EXT2: variants seen among roughly 807,000 people sequenced by gnomAD.
The protein encoded by EXT2 is exostosin glycosyltransferase 2, also known as exostosin-2.
EXT2 carries 53 observed loss-of-function variants against 81.6 expected under a neutral mutation model. The ratio of observed to expected loss-of-function variants is 0.65; its 90% CI spans 0.52 to 0.82. The LOEUF is 0.82. Among genes scored for constraint, EXT2 ranks in the 40% least tolerant of loss-of-function variants. The pLI is 0.00. For synonymous variants in EXT2, 320 were observed against 340.0 expected (o/e 0.94, Z 0.65); for missense variants, 774 against 910.2 (o/e 0.85, Z 1.93).
intron 10 of EXT2, among the ~76,000 whole-genome samples, chr11:44,208,236 A>G (rs1422417363): frequency 6.6e-6 from 1 of 151,558 alleles, no homozygotes; most frequent in Non-Finnish European, 1.5e-5. Context: ...TCTTCATTGC[A>G]TGTAATGGCT....
intron 8 of EXT2, among the ~76,000 whole-genome samples, chr11:44,192,459 G>A (rs1388393525): frequency 6.6e-6 from 1 of 152,138 alleles, no homozygotes; most frequent in Non-Finnish European, 1.5e-5. Flanking sequence ...GGCTTATAGT[G>A]TATGTTCAGG....
At chr11:44,128,909 A>G (rs1954448957) in intron 6 of EXT2, among the ~76,000 whole-genome samples, 1 of 152,252 alleles carries the variant, frequency 6.6e-6, no homozygotes, top group African/African-American at 2.4e-5. Context: ...TGCTGAGGAT[A>G]CGCTGGTGAG....
At chr11:44,100,967 C>G (rs889866741) in intron 1 of EXT2, among the ~76,000 whole-genome samples, 1 of 152,162 alleles carries the variant, frequency 6.6e-6, no homozygotes, top group African/African-American at 2.4e-5. Flanking sequence ...GCAGATGCCT[C>G]CCATATGATT....
At chr11:44,221,802 G>A (rs1010416538) in intron 10 of EXT2, among the ~76,000 whole-genome samples, 1 of 152,170 alleles carries the variant, frequency 6.6e-6, no homozygotes, top group Non-Finnish European at 1.5e-5. Flanking sequence ...ATATGAAGCT[G>A]CACCCATTCA....
At chr11:44,206,131 G>T (rs1955580064) in intron 9 of EXT2, among the ~76,000 whole-genome samples, 1 of 152,186 alleles carries the variant, frequency 6.6e-6, no homozygotes, top group African/African-American at 2.4e-5. Context: ...CTAGTGAGTT[G>T]AGGGGAGGGG....
chr11:44,198,498 G>C (rs1297912444), intron 9 of EXT2, among the ~76,000 whole-genome samples: 1 of 152,122 alleles, frequency 6.6e-6, no homozygotes, highest in African/African-American at 2.4e-5. Flanking sequence ...GTTCCCATTG[G>C]TTCTTCCTTA....
intron 8 of EXT2, among the ~76,000 whole-genome samples, chr11:44,195,646 G>A (rs1955447487): frequency 6.6e-6 from 1 of 152,142 alleles, no homozygotes; most frequent in Admixed American, 6.5e-5. Flanking sequence ...GCAGACAGCT[G>A]TTGTCACAAA....
chr11:44,223,930 A>T (rs7104638), intron 10 of EXT2, among the ~76,000 whole-genome samples: 1 of 152,060 alleles, frequency 6.6e-6, no homozygotes, highest in Non-Finnish European at 1.5e-5. Flanking sequence ...GGATTACATG[A>T]GTGAGCCACT....
At chr11:44,222,053 A>T (rs1319898235) in intron 10 of EXT2, among the ~76,000 whole-genome samples, 9 of 152,216 alleles carry the variant, frequency 5.9e-5, no homozygotes, top group Non-Finnish European at 1.0e-4. Flanking sequence ...TTCTTGGTGC[A>T]TGAAAATTGG....
chr11:44,180,238 A>C (rs559035354), intron 8 of EXT2, among the ~76,000 whole-genome samples: 1 of 152,180 alleles, frequency 6.6e-6, no homozygotes, highest in South Asian at 2.1e-4. Flanking sequence ...TCAAGTTAGC[A>C]CTTTTTCTCC....
chr11:44,237,920 A>AC (rs1955987627), intron 13 of EXT2, among the ~76,000 whole-genome samples: 2 of 89,122 alleles, frequency 2.2e-5, no homozygotes, highest in South Asian at 4.9e-4. Flanking sequence ...AAAAAAAAAA[A>AC]AAAAAAAAAA....
intron 9 of EXT2, among the ~76,000 whole-genome samples, chr11:44,201,917 C>T (rs1401479236): frequency 6.6e-6 from 1 of 152,156 alleles, no homozygotes; most frequent in Non-Finnish European, 1.5e-5. Flanking sequence ...CTGGCCTCCA[C>T]GAAAGGGATA....
At chr11:44,177,003 A>T (rs2135140252) in intron 8 of EXT2, among the ~76,000 whole-genome samples, 1 of 151,950 alleles carries the variant, frequency 6.6e-6, no homozygotes, top group Middle Eastern at 3.4e-3. Context: ...ATGTCACTAG[A>T]TGCTTTGTCA....
At chr11:44,217,271 T>C (rs1955730891) in intron 10 of EXT2, among the ~76,000 whole-genome samples, 1 of 152,166 alleles carries the variant, frequency 6.6e-6, no homozygotes, top group Non-Finnish European at 1.5e-5. Flanking sequence ...AATGAAAGGC[T>C]AGACCATGTA....
At chr11:44,115,698 G>T (rs376212116) in intron 4 of EXT2, among the ~76,000 whole-genome samples, 23 of 152,312 alleles carry the variant, frequency 1.5e-4, no homozygotes, top group African/African-American at 5.1e-4. Flanking sequence ...AAATATTTCA[G>T]ACATCTCCTT....
rs534410173 is a variant in EXT2 at position 44,235,295 on chromosome 11, C to T, written c.1936-998C>T. Among the ~76,000 whole-genome samples, 13 of 119,446 alleles carry T rather than the reference C, an allele frequency of 1.1e-4. No homozygotes were observed. In the South Asian group the frequency reaches 3.7e-3, roughly 34 times the overall value. 78.4% of individuals were successfully genotyped at this position (119,446 alleles called of 152,430 possible). ...CTGTCACCAGGCTGGAGTGCAGTGG[C>T]ACAGTCTCGGCTCACTGCAGCCTCT... On this transcript the variant is annotated intron_variant, in intron 12 of 13. Coordinates refer to ENST00000533608, the MANE Select transcript of EXT2 (RefSeq NM_207122.2).
At position 44,244,382 on chromosome 11, in the gene EXT2, T is replaced by G; in HGVS notation, c.*95T>G. On this transcript the variant is annotated 3_prime_UTR_variant, in exon 14 of 14. Transcript: ENST00000533608. ...TGATGTCAGAGTAGTAGGTTAAGGG[T>G]GGAAGGTTGACCTACTTGGATCTTG... is the stretch of plus-strand genomic sequence containing the variant. 1 of 1,435,898 alleles carries G rather than the reference T, an allele frequency of 7.0e-7. No individual in the cohort carries two copies. Among genetic ancestry groups the G allele is most frequent in the South Asian group, 1.2e-5 (1 of 86,500 alleles). 88.9% of individuals were successfully genotyped at this position (1,435,898 alleles called of 1,614,324 possible). A position where few individuals can be genotyped will look rare whatever the true frequency, so the allele number is the denominator to read the frequency against.
At chr11:44,156,034 A>G (rs879379945) in intron 7 of EXT2, among the ~76,000 whole-genome samples, 1 of 152,192 alleles carries the variant, frequency 6.6e-6, no homozygotes, top group Admixed American at 6.5e-5. Context: ...TCAGCACTTC[A>G]AATATGTCAT....
chr11:44,181,857 C>G (rs1406419776), intron 8 of EXT2, among the ~76,000 whole-genome samples: 2 of 152,114 alleles, frequency 1.3e-5, no homozygotes, highest in Non-Finnish European at 2.9e-5. Context: ...GCAGTCTGCT[C>G]TTATTTGAGA....
Sources: gnomAD v4.1 joint callset for allele counts (sites outside exome capture counted in the v4.1 genomes callset) on GRCh38, gnomAD v4.1.1 for gene constraint, MANE v1.5 for transcripts, NCBI Gene and HGNC (gene_info 2026-07-23, HGNC 2026-07-21) for gene names.